Variants in SPTBN2 observed in about 807,000 individuals in gnomAD.
SPTBN2 encodes spectrin beta chain, non-erythrocytic 2.
SPTBN2 carries 107 observed loss-of-function variants against 284.2 expected under a neutral mutation model. That is an observed-to-expected ratio of 0.38 (90% CI 0.32 to 0.44). The LOEUF is 0.44. SPTBN2 is among the 20% of genes least tolerant of loss of function. SPTBN2 has a pLI of 1.00. For missense variants in SPTBN2, 2,569 were observed against 3,287.1 expected (o/e 0.78, Z 5.34); for synonymous variants, 1,289 against 1,354.8 (o/e 0.95, Z 1.07).
chr11:66,699,125 A>G, intron 18 of SPTBN2, 43 bp from the exon 19 acceptor site: 1 of 1,612,268 alleles, frequency 6.2e-7, no homozygotes, highest in Non-Finnish European at 8.5e-7. Context: ...TTTGCTGTGA[A>G]AGGATTGTGA....
rs559288895 is a variant in SPTBN2 at position 66,708,709 on chromosome 11, C to T, written c.1191+193G>A. Among the ~76,000 whole-genome samples, 2 of 152,110 alleles carry T rather than the reference C, an allele frequency of 1.3e-5. No homozygotes were observed. Among genetic ancestry groups the T allele is most frequent in the Admixed American group, 6.5e-5 (1 of 15,272 alleles). ...AGAGTCAGACAAAGGGACAGGGAGCCGTGTGCCTGAGAGGATGGGAGAATC... is the reference window on the plus strand; with the variant it reads ...AGAGTCAGACAAAGGGACAGGGAGCTGTGTGCCTGAGAGGATGGGAGAATC... On this transcript the variant is annotated intron_variant, in intron 11 of 37. Transcript: ENST00000533211. This position sits in a 1 kb window ranked among gnomAD's most constrained non-coding sequence, Gnocchi z 4.4.
Position 66,689,159 on chromosome 11 carries a change from G to T in SPTBN2, c.5971C>A (p.Leu1991Met). ...GCTGTCTCCTGGCGCCGTGCCTGCA[G>T]CTGAGACAGCTTCTCTGAGATCTGG... Reference protein sequence around the residue: ...AEEISEKLSQLQARRQETAEK... With the variant: ...AEEISEKLSQMQARRQETAEK... Residue 1991 changes from leucine to methionine, a missense_variant, in exon 30 of 38, where the codon CTG (leucine) becomes ATG (methionine). Transcript: ENST00000533211. 6.2e-7 allele frequency: 1 copy of T among 1,608,568 alleles called. No individual in the cohort carries two copies. Among genetic ancestry groups the T allele is most frequent in the Non-Finnish European group, 8.5e-7 (1 of 1,177,124 alleles).
At chr11:66,738,245 C>A (rs1158507662) in intron 1 of SPTBN2, among the ~76,000 whole-genome samples, 2 of 152,014 alleles carry the variant, frequency 1.3e-5, no homozygotes, top group African/African-American at 4.8e-5. Context: ...AAAAAGATTT[C>A]TTCTAATTTA....
chr11:66,703,571 TA>T (rs899652010), intron 15 of SPTBN2, among the ~76,000 whole-genome samples: 1 of 151,556 alleles, frequency 6.6e-6, no homozygotes, highest in Non-Finnish European at 1.5e-5. Flanking sequence ...TCTCTACTAA[TA>T]AAAAAATACA....
At chr11:66,714,238 C>A in intron 6 of SPTBN2, 67 bp from the exon 7 acceptor site, 2 of 1,607,278 alleles carry the variant, frequency 1.2e-6, no homozygotes, top group South Asian at 2.2e-5. Context: ...AGGGCAGTCA[C>A]CAGCTCATGG....
intron 1 of SPTBN2, among the ~76,000 whole-genome samples, chr11:66,736,316 T>C (rs966010620): frequency 5.9e-5 from 9 of 152,216 alleles, no homozygotes; most frequent in Admixed American, 3.3e-4. Context: ...TTTGAGAACA[T>C]GGAAATATTA....
At chr11:66,735,357 T>G (rs1942844617) in intron 1 of SPTBN2, among the ~76,000 whole-genome samples, 2 of 150,656 alleles carry the variant, frequency 1.3e-5, no homozygotes, top group Non-Finnish European at 3.0e-5. Context: ...AAAAAAAAAT[T>G]AAGGAGAAGG....
Position 66,682,927 on chromosome 11 carries a change from T to A in SPTBN2, c.*2944A>T, listed in dbSNP as rs1353020081. 6.6e-6 allele frequency among the ~76,000 whole-genome samples: 1 copy of A among 151,632 alleles called. No homozygotes were observed. The highest frequency in any genetic ancestry group is 2.4e-5 in the African/African-American group (1 of 41,172). ...ACAGGCACATGCCACTACACCTGGCTAATTTTTGTAGAGATGGGGTTTCAC... is the reference window on the plus strand; with the variant it reads ...ACAGGCACATGCCACTACACCTGGCAAATTTTTGTAGAGATGGGGTTTCAC... On this transcript the variant is annotated 3_prime_UTR_variant, in exon 38 of 38. Coordinates refer to ENST00000533211, the MANE Select transcript of SPTBN2 (RefSeq NM_006946.4).
At chr11:66,720,361 G>A (rs1406686582) in intron 3 of SPTBN2, among the ~76,000 whole-genome samples, 1 of 152,194 alleles carries the variant, frequency 6.6e-6, no homozygotes, top group African/African-American at 2.4e-5. Context: ...GGGTGTGTGG[G>A]TGAGTCAGCC....
At chr11:66,733,656 A>T (rs1348362611), upstream of SPTBN2, among the ~76,000 whole-genome samples, 1 of 152,198 alleles carries the variant, frequency 6.6e-6, no homozygotes, top group African/African-American at 2.4e-5. Context: ...CATTTGGAAT[A>T]CATCAGTGTA....
rs529005403 is a variant in SPTBN2 at position 66,718,285 on chromosome 11, G to T, written c.158-2304C>A. Among the ~76,000 whole-genome samples the T allele has an allele frequency of 1.3e-3, 202 of 152,338 alleles. No homozygotes were observed. The highest frequency in any genetic ancestry group is 4.8e-3 in the African/African-American group (198 of 41,580). ...ACATCTGTGTATTTTCCGGCCTCTT[G>T]TAATTATCCCCTCTAAGCTGCATCA... On this transcript the variant is annotated intron_variant, in intron 3 of 37. Coordinates refer to ENST00000533211, the MANE Select transcript of SPTBN2 (RefSeq NM_006946.4). This position sits in a 1 kb window ranked among gnomAD's most constrained non-coding sequence, Gnocchi z 4.8.
chr11:66,687,909 C>G lies in SPTBN2; in HGVS notation c.6460G>C (p.Gly2154Arg). Reference sequence around the variant, plus strand: ...CTGCTGTGCTCAAGTCTCTGTTGTCCCAGCAGGGGCTGCAAGGACAAGAAT... The same window carrying G: ...CTGCTGTGCTCAAGTCTCTGTTGTCGCAGCAGGGGCTGCAAGGACAAGAAT... ...TDGEPSQPLLGQQRLEHSSFP... is the reference protein window; with the variant it reads ...TDGEPSQPLLRQQRLEHSSFP... The change falls in exon 34 of 38, where the codon GGA becomes CGA. Residue 2154 changes from glycine to arginine, a missense_variant. Physicochemically the swap from Gly to Arg is moderately radical, Grantham distance 125 (BLOSUM62 -2). Around this residue, in one of 6 missense-constraint regions of SPTBN2, gnomAD observed 1,130 missense variants for 1,317.3 expected, o/e 0.86. Coordinates refer to ENST00000533211, the MANE Select transcript of SPTBN2 (RefSeq NM_006946.4). This position sits in a 1 kb window ranked among gnomAD's most constrained non-coding sequence, Gnocchi z 5.2. 1.9e-6 allele frequency: 3 copies of G among 1,614,130 alleles called. No individual in the cohort carries two copies. The highest frequency in any genetic ancestry group is 1.7e-6 in the Non-Finnish European group (2 of 1,180,026).
At chr11:66,712,274 C>T (rs978370748) in intron 8 of SPTBN2, among the ~76,000 whole-genome samples, 7 of 152,180 alleles carry the variant, frequency 4.6e-5, no homozygotes, top group Non-Finnish European at 1.0e-4. Context: ...CGCAGTCAGG[C>T]GCGGGGGCTC....
Position 66,683,063 on chromosome 11 carries a change from A to ATTTTTTTTT in SPTBN2, c.*2799_*2807dup, listed in dbSNP as rs55950324. Among the ~76,000 whole-genome samples the ATTTTTTTTT allele has an allele frequency of 3.1e-5, 3 of 95,740 alleles. 1 individual carries two copies. Among genetic ancestry groups the ATTTTTTTTT allele is most frequent in the Non-Finnish European group, 5.6e-5 (3 of 53,984 alleles). 62.8% of individuals were successfully genotyped at this position (95,740 alleles called of 152,430 possible). A position where few individuals can be genotyped will look rare whatever the true frequency, so the allele number is the denominator to read the frequency against. ...ACCACCATGCCTGGCCAAGTAATCC[A>ATTTTTTTTT]TTTTTTTTTTTTTTTTTTTTTTGAG... On this transcript the variant is annotated 3_prime_UTR_variant, in exon 38 of 38. Transcript: ENST00000533211.
At chr11:66,699,350 C>T (rs1941113529) in intron 18 of SPTBN2, 56 bp downstream of exon 18, 2 of 1,598,348 alleles carry the variant, frequency 1.3e-6, no homozygotes, top group Non-Finnish European at 8.6e-7. Flanking sequence ...TTGAGGTCAC[C>T]CTGTTTCTCC....
In SPTBN2 at chr11:66,707,068, C is replaced by T. The variant is rs1392635567; in HGVS notation, c.1653+448G>A. Among the ~76,000 whole-genome samples the T allele has an allele frequency of 2.0e-5, 3 of 152,276 alleles. No homozygotes were observed. The highest frequency in any genetic ancestry group is 7.2e-5 in the African/African-American group (3 of 41,480). On this transcript the variant is annotated intron_variant, in intron 13 of 37. Coordinates refer to ENST00000533211, the MANE Select transcript of SPTBN2 (RefSeq NM_006946.4). The surrounding 1 kb of genome is among the most constrained non-coding windows in gnomAD (Gnocchi z 4.9). ...GCCCCCACTCCTCATGCTCACAGCC[C>T]ACCGGCCTTCCTTCTGATCCTGAAC...
intron 1 of SPTBN2, among the ~76,000 whole-genome samples, chr11:66,722,439 G>A (rs552684478): frequency 1.3e-5 from 2 of 152,020 alleles, no homozygotes; most frequent in East Asian, 3.9e-4. Context: ...AGCTGGGTGT[G>A]GTGGTGGGTG....
chr11:66,701,717 C>G lies in SPTBN2; in HGVS notation c.2683G>C (p.Glu895Gln). ...EDLEVVQQRF[E>Q]TLEPEMNTLA... ...GTGTTCATTTCAGGCTCCAGGGTCT[C>G]GAACCTGAGAGGGTGGAAGAGCCAG... Residue 895 changes from glutamate to glutamine, a missense_variant, in exon 16 of 38, where the codon GAG (glutamate) becomes CAG (glutamine). Transcript: ENST00000533211. The G allele has an allele frequency of 6.2e-7, 1 of 1,614,020 alleles. No individual in the cohort carries two copies. Among genetic ancestry groups the G allele is most frequent in the Non-Finnish European group, 8.5e-7 (1 of 1,180,016 alleles).
intron 1 of SPTBN2, among the ~76,000 whole-genome samples, chr11:66,737,550 A>C (rs541440851): frequency 6.6e-6 from 1 of 152,324 alleles, no homozygotes; most frequent in South Asian, 2.1e-4. Context: ...GAAAGGGAGT[A>C]GACTTTAGCT....
Sources: allele counts gnomAD v4.1 joint callset (sites outside exome capture counted in the v4.1 genomes callset), GRCh38; gene constraint gnomAD v4.1.1; regional missense constraint gnomAD v4.1.1; non-coding constraint Gnocchi (gnomAD v3.1); transcripts MANE v1.5; gene names NCBI Gene and HGNC (gene_info 2026-07-23, HGNC 2026-07-21).